RGS6: variants seen among roughly 807,000 people sequenced by gnomAD.
RGS6 encodes regulator of G protein signaling 6.
RGS6 carries 30 observed loss-of-function variants against 78.5 expected under a neutral mutation model. The observed-to-expected ratio is 0.38, with a 90% CI of 0.29 to 0.52. The LOEUF (loss-of-function observed/expected upper bound fraction) is 0.52, where lower values mean the gene tolerates loss of function less well. Ranked by LOEUF, RGS6 falls within the 20% of genes least tolerant of loss-of-function variation. The pLI is 0.85. For missense variants in RGS6, 495 were observed against 609.7 expected, an observed-to-expected ratio of 0.81 and a Z score of 1.98; for synonymous variants, 206 against 206.0, an observed-to-expected ratio of 1.00 and a Z score of 0.00.
At position 72,459,070 on chromosome 14, in the gene RGS6, C is replaced by T. The variant is rs577303474; in HGVS notation, c.343-562C>T. Among the ~76,000 whole-genome samples the T allele has an allele frequency of 3.3e-5, 5 of 152,300 alleles. No individual in the cohort carries two copies. The East Asian group carries it at 7.7e-4, about 23-fold the overall frequency. The stretch of plus-strand genomic sequence containing the variant: ...TGTCATTTAGTAAATCCTGGAGCAG[C>T]CTTCATCTGAACCTAAGTGAGCCTG... On this transcript the variant is annotated intron_variant, in intron 5 of 17. Transcript: ENST00000553525.
At chr14:72,546,499 C>G (rs1284193184) in intron 17 of RGS6, among the ~76,000 whole-genome samples, 1 of 152,118 alleles carries the variant, frequency 6.6e-6, no homozygotes, top group African/African-American at 2.4e-5. Context: ...GAAGGAGGAG[C>G]CCCCAGCTGT....
At chr14:72,094,074 G>A (rs768167186) in intron 2 of RGS6, among the ~76,000 whole-genome samples, 9 of 152,130 alleles carry the variant, frequency 5.9e-5, no homozygotes, top group Non-Finnish European at 1.3e-4. Context: ...ATTAAGGGAT[G>A]TTTCTTAATG....
At chr14:72,571,340 T>C (rs1159910925), downstream of RGS6, among the ~76,000 whole-genome samples, 1 of 152,214 alleles carries the variant, frequency 6.6e-6, no homozygotes, top group Non-Finnish European at 1.5e-5. Flanking sequence ...TCTAGTCAGA[T>C]ACTTCCACTG....
chr14:71,959,296 T>G (rs1477954836), intron 1 of RGS6, among the ~76,000 whole-genome samples: 2 of 152,024 alleles, frequency 1.3e-5, no homozygotes, highest in Non-Finnish European at 2.9e-5. Flanking sequence ...CTTGTAAATT[T>G]TTTTTCCTGA....
At chr14:72,236,658 C>T (rs1444986911) in intron 2 of RGS6, among the ~76,000 whole-genome samples, 1 of 152,200 alleles carries the variant, frequency 6.6e-6, no homozygotes, top group East Asian at 1.9e-4. Flanking sequence ...AGAGGCGCTC[C>T]TCACATCCCA....
chr14:71,888,769 TG>T, the RGS6 span, among the ~76,000 whole-genome samples: 1 of 152,180 alleles, frequency 6.6e-6, no homozygotes, highest in Non-Finnish European at 1.5e-5. Flanking sequence ...GGACCTACAT[TG>T]GTCTAAAGAG....
At chr14:72,384,189 G>A (rs899276348) in intron 3 of RGS6, among the ~76,000 whole-genome samples, 1 of 152,124 alleles carries the variant, frequency 6.6e-6, no homozygotes, top group African/African-American at 2.4e-5. Context: ...ACTGGGGCAT[G>A]GTGATGGAAA....
At chr14:72,255,586 A>G (rs1240414296) in intron 2 of RGS6, among the ~76,000 whole-genome samples, 1 of 152,108 alleles carries the variant, frequency 6.6e-6, no homozygotes, top group Non-Finnish European at 1.5e-5. Context: ...GGACTGAGAT[A>G]CCTCAGTCCT....
At chr14:72,467,955 C>A (rs758266) in intron 7 of RGS6, among the ~76,000 whole-genome samples, 43,755 of 151,962 alleles carry the variant, frequency 0.29, 6,696 homozygotes, top group East Asian at 0.62. Context: ...AAGCCTGGGG[C>A]CCCTCCCTCC....
chr14:72,308,760 CA>C (rs2067858276), intron 2 of RGS6, among the ~76,000 whole-genome samples: 1 of 151,984 alleles, frequency 6.6e-6, no homozygotes, highest in Admixed American at 6.6e-5. Flanking sequence ...TGGCACTAGC[CA>C]AAAGGGGGTG....
the RGS6 span, among the ~76,000 whole-genome samples, chr14:72,579,563 A>G: frequency 6.6e-6 from 1 of 152,174 alleles, no homozygotes; most frequent in Non-Finnish European, 1.5e-5. Flanking sequence ...TCTCTCTTGG[A>G]GTGAGGCATT....
At chr14:72,242,396 C>T (rs2053099879) in intron 2 of RGS6, among the ~76,000 whole-genome samples, 1 of 152,168 alleles carries the variant, frequency 6.6e-6, no homozygotes, top group African/African-American at 2.4e-5. Context: ...AAGGGAAGTT[C>T]AGATAAGACT....
At chr14:71,999,423 C>T (rs1276237757) in intron 2 of RGS6, among the ~76,000 whole-genome samples, 1 of 152,208 alleles carries the variant, frequency 6.6e-6, no homozygotes, top group Admixed American at 6.5e-5. Context: ...CAGGAGAAAT[C>T]AGAAGTATGA....
the RGS6 span, among the ~76,000 whole-genome samples, chr14:72,590,111 T>A: frequency 1.3e-5 from 2 of 152,242 alleles, no homozygotes; most frequent in South Asian, 4.1e-4. Context: ...CCCACTAGAA[T>A]GTCTAAAATT....
chr14:72,622,426 G>A, the RGS6 span, among the ~76,000 whole-genome samples: 2 of 152,208 alleles, frequency 1.3e-5, no homozygotes, highest in South Asian at 2.1e-4. Flanking sequence ...ATTTGATTTA[G>A]GGATAATACA....
chr14:72,420,500 T>C (rs2094115492), intron 3 of RGS6, among the ~76,000 whole-genome samples: 1 of 152,246 alleles, frequency 6.6e-6, no homozygotes, highest in Non-Finnish European at 1.5e-5. Flanking sequence ...TCTGGTATAG[T>C]ATGATTCCTG....
intron 16 of RGS6, among the ~76,000 whole-genome samples, chr14:72,536,691 A>C (rs1258360775): frequency 6.6e-6 from 1 of 152,082 alleles, no homozygotes; most frequent in Non-Finnish European, 1.5e-5. Context: ...CAGCCCAGAG[A>C]GGAGTATGAG....
At chr14:72,270,296 G>A (rs1447426553) in intron 2 of RGS6, among the ~76,000 whole-genome samples, 1 of 152,180 alleles carries the variant, frequency 6.6e-6, no homozygotes, top group Non-Finnish European at 1.5e-5. Flanking sequence ...CTGCAGAAAA[G>A]CATGAGACTG....
chr14:71,981,829 C>T lies in RGS6; in HGVS notation c.84+16954C>T, dbSNP rs11850970. Among the ~76,000 whole-genome samples the T allele has an allele frequency of 6.5e-3, 970 of 148,564 alleles. 9 individuals carry two copies. The highest frequency in any genetic ancestry group is 0.02 in the African/African-American group (795 of 40,418). On this transcript the variant is annotated intron_variant, in intron 2 of 17. Transcript: ENST00000553525. The stretch of plus-strand genomic sequence containing the variant: ...TGGGCTCCACCCAGTTCGAGCTTCC[C>T]GGCTGCTTTGTTTACCTAAGCAAGC...
Sources: allele counts gnomAD v4.1 joint callset (sites outside exome capture counted in the v4.1 genomes callset), GRCh38; gene constraint gnomAD v4.1.1; transcripts MANE v1.5; gene names NCBI Gene and HGNC (gene_info 2026-07-23, HGNC 2026-07-21).